The following RBPJ variants were observed in gnomAD, a reference collection of about 807,000 sequenced individuals.
RBPJ encodes recombination signal binding protein for immunoglobulin kappa J region, also known as recombining binding protein suppressor of hairless.
Under a neutral mutation model 67.8 loss-of-function variants are expected in RBPJ, and 9 were observed. The ratio of observed to expected loss-of-function variants is 0.13; its 90% CI spans 0.08 to 0.23. The LOEUF is 0.23. Ranked by LOEUF, RBPJ falls within the 10% of genes least tolerant of loss-of-function variation. The probability of loss-of-function intolerance (pLI) is 1.00; values close to 1 mark genes in which losing one functional copy is unlikely to be tolerated. For missense variants in RBPJ, 305 were observed against 595.6 expected (o/e 0.51, Z 5.08); for synonymous variants, 198 against 203.3 (o/e 0.97, Z 0.22).
At chr4:26,369,077 T>C (rs1016537714) in intron 1 of RBPJ, among the ~76,000 whole-genome samples, 2 of 152,222 alleles carry the variant, frequency 1.3e-5, no homozygotes, top group African/African-American at 4.8e-5. Context: ...TCATAACAGG[T>C]ATTCAGCAAA....
intron 2 of RBPJ, among the ~76,000 whole-genome samples, chr4:26,397,430 T>A (rs3109842): frequency 0.56 from 85,534 of 152,024 alleles, 24,222 homozygotes; most frequent in Admixed American, 0.66. Flanking sequence ...TATAAAAAAA[T>A]TCTTGATTGA....
Position 26,312,865 on chromosome 4 carries a change from G to A in RBPJ, c.-166-49581G>A, listed in dbSNP as rs187467044. Among the ~76,000 whole-genome samples, 13 of 152,298 alleles carry A rather than the reference G, an allele frequency of 8.5e-5. No homozygotes were observed. In the East Asian group the frequency reaches 1.5e-3, roughly 18 times the overall value. On this transcript the variant is annotated intron_variant, in intron 1 of 4. Transcript: ENST00000512351. ...TAAACATGCTGTTTGAATGAACCAC[G>A]AGGCAGTTCTGCTGTTTTAATTCTA...
intron 1 of RBPJ, among the ~76,000 whole-genome samples, chr4:26,361,631 A>C (rs1215826864): frequency 6.6e-6 from 1 of 152,076 alleles, no homozygotes; most frequent in Non-Finnish European, 1.5e-5. Flanking sequence ...AAGTAATTTA[A>C]ATTGCTTTAT....
intron 1 of RBPJ, among the ~76,000 whole-genome samples, chr4:26,182,977 A>G (rs1283384114): frequency 6.6e-6 from 1 of 152,174 alleles, no homozygotes; most frequent in East Asian, 1.9e-4. Context: ...TCTCCTAGGT[A>G]CCTCCTGAAG....
At chr4:26,300,828 A>G (rs1407387918) in intron 1 of RBPJ, among the ~76,000 whole-genome samples, 3 of 152,222 alleles carry the variant, frequency 2.0e-5, no homozygotes, top group Non-Finnish European at 4.4e-5. Context: ...TGAAGATTTA[A>G]TAAGATGAAA....
At chr4:26,183,875 G>A (rs1452897628) in intron 1 of RBPJ, among the ~76,000 whole-genome samples, 1 of 152,120 alleles carries the variant, frequency 6.6e-6, no homozygotes, top group Admixed American at 6.6e-5. Flanking sequence ...AGCCAAGCAC[G>A]GAGGCACGCA....
chr4:26,299,616 G>A (rs536199121), intron 1 of RBPJ, among the ~76,000 whole-genome samples: 4 of 149,614 alleles, frequency 2.7e-5, no homozygotes, highest in African/African-American at 9.8e-5. Flanking sequence ...AATAGGAATT[G>A]CTTTATCCTG....
intron 1 of RBPJ, among the ~76,000 whole-genome samples, chr4:26,331,983 A>T (rs566291536): frequency 8.1e-4 from 123 of 152,124 alleles, no homozygotes; most frequent in Non-Finnish European, 1.4e-3. Context: ...TGTGTAGTGA[A>T]TTTTTTCTAG....
intron 1 of RBPJ, among the ~76,000 whole-genome samples, chr4:26,333,979 T>G (rs1201476177): frequency 6.6e-6 from 1 of 152,168 alleles, no homozygotes; most frequent in Non-Finnish European, 1.5e-5. Flanking sequence ...GACATAATTT[T>G]TAAAATAATT....
chr4:26,152,721 A>G, the RBPJ span, among the ~76,000 whole-genome samples: 1 of 152,228 alleles, frequency 6.6e-6, no homozygotes, highest in Non-Finnish European at 1.5e-5. Context: ...GCTCTTAATC[A>G]CTAATCCATA....
chr4:26,412,199 C>G (rs1734100556), intron 3 of RBPJ, among the ~76,000 whole-genome samples: 1 of 151,868 alleles, frequency 6.6e-6, no homozygotes, highest in South Asian at 2.1e-4. Flanking sequence ...CATTCCCAAT[C>G]CAAAAATTCG....
At chr4:26,281,339 C>T (rs905598331) in intron 1 of RBPJ, among the ~76,000 whole-genome samples, 6 of 152,042 alleles carry the variant, frequency 3.9e-5, no homozygotes, top group Non-Finnish European at 1.5e-5. Flanking sequence ...AGTGCAATGG[C>T]GTAAACTCGG....
intron 1 of RBPJ, among the ~76,000 whole-genome samples, chr4:26,217,330 C>T (rs1718754058): frequency 6.6e-6 from 1 of 152,166 alleles, no homozygotes; most frequent in Non-Finnish European, 1.5e-5. Context: ...TGAACTCACC[C>T]TGAAAATGCC....
chr4:26,109,585 A>C, the RBPJ span, among the ~76,000 whole-genome samples: 437 of 46,144 alleles, frequency 9.5e-3, 62 homozygotes, highest in South Asian at 0.016. Context: ...CTCTCTATAT[A>C]TATATATATA....
chr4:26,252,119 T>C (rs1720135751), intron 1 of RBPJ, among the ~76,000 whole-genome samples: 1 of 152,118 alleles, frequency 6.6e-6, no homozygotes, highest in South Asian at 2.1e-4. Flanking sequence ...GGCAATTTTA[T>C]TGCATGGATG....
At chr4:26,338,728 C>T (rs1312165862) in intron 1 of RBPJ, among the ~76,000 whole-genome samples, 1 of 152,012 alleles carries the variant, frequency 6.6e-6, no homozygotes, top group Non-Finnish European at 1.5e-5. Flanking sequence ...GTGCCTGCCA[C>T]CCTGCCCGGC....
intron 1 of RBPJ, among the ~76,000 whole-genome samples, chr4:26,241,330 C>T (rs1719630651): frequency 6.6e-6 from 1 of 151,760 alleles, no homozygotes; most frequent in African/African-American, 2.4e-5. Flanking sequence ...AAAGAGCTGA[C>T]ATTGGAGACT....
chr4:26,178,814 TTAA>T (rs1182611406), intron 1 of RBPJ, among the ~76,000 whole-genome samples: 1 of 151,614 alleles, frequency 6.6e-6, no homozygotes, highest in Non-Finnish European at 1.5e-5. Flanking sequence ...GCTGATTTAG[TTAA>T]TAATAATGTT....
intron 1 of RBPJ, among the ~76,000 whole-genome samples, chr4:26,256,156 A>G (rs1439946979): frequency 6.6e-6 from 1 of 152,182 alleles, no homozygotes; most frequent in Non-Finnish European, 1.5e-5. Flanking sequence ...CTAAACTGTC[A>G]TCACAACCAC....
Sources: allele counts gnomAD v4.1 joint callset (sites outside exome capture counted in the v4.1 genomes callset), GRCh38; gene constraint gnomAD v4.1.1; transcripts MANE v1.5; gene names NCBI Gene and HGNC (gene_info 2026-07-23, HGNC 2026-07-21).